Variants in CNTNAP2 observed in about 807,000 individuals in gnomAD.
The protein encoded by CNTNAP2 is contactin associated protein 2.
In CNTNAP2, 98 loss-of-function variants were observed where a neutral mutation model predicts 155.2. That is an observed-to-expected ratio of 0.63 (90% CI 0.54 to 0.75). The LOEUF is 0.75. Among genes scored for constraint, CNTNAP2 ranks in the 30% least tolerant of loss-of-function variants. CNTNAP2 has a pLI of 0.00. For synonymous variants in CNTNAP2, 651 were observed against 631.2 expected, an observed-to-expected ratio of 1.03 and a Z score of -0.47; for missense variants, 1,727 against 1,688.1, an observed-to-expected ratio of 1.02 and a Z score of -0.40.
At chr7:146,784,166 T>G (rs1802535293) in intron 2 of CNTNAP2, among the ~76,000 whole-genome samples, 1 of 152,278 alleles carries the variant, frequency 6.6e-6, no homozygotes, top group East Asian at 1.9e-4. Context: ...AGTTAATTAT[T>G]TTTAGGAAGT....
chr7:148,335,351 G>T (rs1563047990), intron 21 of CNTNAP2, among the ~76,000 whole-genome samples: 2 of 152,300 alleles, frequency 1.3e-5, no homozygotes, highest in Non-Finnish European at 2.9e-5. Flanking sequence ...GGATTGAGCA[G>T]ACTGTGATGG....
At chr7:147,534,096 G>A (rs1357706650) in intron 11 of CNTNAP2, among the ~76,000 whole-genome samples, 2 of 152,198 alleles carry the variant, frequency 1.3e-5, no homozygotes, top group Non-Finnish European at 2.9e-5. Context: ...TTGGGGCATT[G>A]TGTAAGCCAG....
chr7:148,262,898 AG>A (rs1796589461), intron 20 of CNTNAP2, among the ~76,000 whole-genome samples: 1 of 152,280 alleles, frequency 6.6e-6, no homozygotes, highest in African/African-American at 2.4e-5. Flanking sequence ...TATGTTCGGC[AG>A]GGGGACAGCA....
chr7:146,278,925 G>A (rs1486402185), intron 1 of CNTNAP2, among the ~76,000 whole-genome samples: 1 of 152,090 alleles, frequency 6.6e-6, no homozygotes, highest in Non-Finnish European at 1.5e-5. Context: ...GTCGGAGATA[G>A]GAACATTAAG....
chr7:146,476,065 G>A (rs73741709), intron 1 of CNTNAP2, among the ~76,000 whole-genome samples: 3 of 152,156 alleles, frequency 2.0e-5, no homozygotes, highest in Non-Finnish European at 2.9e-5. Context: ...AACGGAATCA[G>A]CTCTCACTGA....
intron 15 of CNTNAP2, among the ~76,000 whole-genome samples, chr7:147,989,347 T>A (rs898067956): frequency 6.6e-6 from 1 of 152,204 alleles, no homozygotes; most frequent in African/African-American, 2.4e-5. Context: ...TTAACCTCTC[T>A]GGGCTTCTAC....
At chr7:146,780,838 A>G (rs207468748) in intron 2 of CNTNAP2, among the ~76,000 whole-genome samples, 10 of 152,138 alleles carry the variant, frequency 6.6e-5, no homozygotes, top group African/African-American at 1.9e-4. Context: ...ACATGGACAC[A>G]GGGACGGGAA....
intron 12 of CNTNAP2, among the ~76,000 whole-genome samples, chr7:147,571,714 A>T (rs750824424): frequency 4.6e-5 from 7 of 152,128 alleles, no homozygotes; most frequent in Non-Finnish European, 8.8e-5. Context: ...ATTAACATTC[A>T]TAAGTTGGGC....
In CNTNAP2 at chr7:146,224,985, G is replaced by GA. The variant is rs901901702; in HGVS notation, c.97+108022dup. On this transcript the variant is annotated intron_variant, in intron 1 of 23. Coordinates refer to ENST00000361727, the MANE Select transcript of CNTNAP2 (RefSeq NM_014141.6). ...CACTCAATTACATTCTGGATGAGAAGAAAAAAAAAATCCTATTGGTGTTTT... is the reference window on the plus strand; with the variant it reads ...CACTCAATTACATTCTGGATGAGAAGAAAAAAAAAAATCCTATTGGTGTTTT... 6.0e-5 allele frequency among the ~76,000 whole-genome samples: 9 copies of GA among 149,086 alleles called. No individual in the cohort carries two copies. The South Asian group carries it at 6.3e-4, about 11-fold the overall frequency.
chr7:147,997,495 G>C (rs1350835046), intron 15 of CNTNAP2, among the ~76,000 whole-genome samples: 2 of 151,462 alleles, frequency 1.3e-5, no homozygotes, highest in Non-Finnish European at 2.9e-5. Flanking sequence ...GGCGGAGGTT[G>C]TGGTGAGCCG....
At chr7:147,248,198 T>C (rs1044834010) in intron 8 of CNTNAP2, among the ~76,000 whole-genome samples, 1 of 152,224 alleles carries the variant, frequency 6.6e-6, no homozygotes, top group African/African-American at 2.4e-5. Flanking sequence ...CTGAAACACA[T>C]TTAAAATAGT....
intron 1 of CNTNAP2, among the ~76,000 whole-genome samples, chr7:146,571,453 T>C (rs1184463900): frequency 6.6e-6 from 1 of 152,138 alleles, no homozygotes; most frequent in Non-Finnish European, 1.5e-5. Flanking sequence ...AACATTTTTG[T>C]TTTGCTTTCA....
Position 147,490,530 on chromosome 7 carries a change from T to C in CNTNAP2, c.1777+4489T>C, listed in dbSNP as rs111246510. Among the ~76,000 whole-genome samples, 832 of 152,302 alleles carry C rather than the reference T, an allele frequency of 5.5e-3. 7 individuals are homozygous for C. The highest frequency in any genetic ancestry group is 0.019 in the African/African-American group (781 of 41,572). Reference sequence around the variant, plus strand: ...AATTGATATAATTCAAAGAATAATTTTCAAAATAAATTGAATTCTATTTGC... The same window carrying C: ...AATTGATATAATTCAAAGAATAATTCTCAAAATAAATTGAATTCTATTTGC... On this transcript the variant is annotated intron_variant, in intron 11 of 23. Transcript: ENST00000361727.
At chr7:148,222,249 G>A (rs1795760013) in intron 19 of CNTNAP2, among the ~76,000 whole-genome samples, 1 of 152,224 alleles carries the variant, frequency 6.6e-6, no homozygotes, top group Admixed American at 6.5e-5. Flanking sequence ...CAGAATACGT[G>A]AAACTGGGTA....
intron 1 of CNTNAP2, among the ~76,000 whole-genome samples, chr7:146,118,798 T>G (rs1273202033): frequency 6.6e-6 from 1 of 152,166 alleles, no homozygotes; most frequent in African/African-American, 2.4e-5. Context: ...ACTTTTAAGA[T>G]GGTTAATAGT....
At chr7:146,306,113 A>G (rs1032395693) in intron 1 of CNTNAP2, among the ~76,000 whole-genome samples, 12 of 152,178 alleles carry the variant, frequency 7.9e-5, no homozygotes, top group Non-Finnish European at 8.8e-5. Flanking sequence ...AGAATACTAT[A>G]AACACCTCTA....
chr7:146,600,838 A>T (rs997949239), intron 1 of CNTNAP2, among the ~76,000 whole-genome samples: 1 of 152,160 alleles, frequency 6.6e-6, no homozygotes, highest in Non-Finnish European at 1.5e-5. Flanking sequence ...TTTATTTTAT[A>T]CTGAAATATA....
rs528146237 is a variant in CNTNAP2 at position 147,167,958 on chromosome 7, T to G, written c.1348+35449T>G. Among the ~76,000 whole-genome samples, 48 of 150,434 alleles carry G rather than the reference T, an allele frequency of 3.2e-4. 1 individual carries two copies. The highest frequency in any genetic ancestry group is 1.2e-3 in the African/African-American group (48 of 41,138). On this transcript the variant is annotated intron_variant, in intron 8 of 23. Coordinates refer to ENST00000361727, the MANE Select transcript of CNTNAP2 (RefSeq NM_014141.6). Reference sequence around the variant, plus strand: ...TTTAAAAATATATTTACATTATATGTGTATATATACATATATGTATATAGT... The same window carrying G: ...TTTAAAAATATATTTACATTATATGGGTATATATACATATATGTATATAGT...
At chr7:148,143,905 G>A (rs572679320) in intron 16 of CNTNAP2, among the ~76,000 whole-genome samples, 24 of 152,270 alleles carry the variant, frequency 1.6e-4, no homozygotes, top group African/African-American at 5.5e-4. Flanking sequence ...AGGGAATTAT[G>A]TGTCTCATCC....
Sources: allele counts gnomAD v4.1 joint callset (sites outside exome capture counted in the v4.1 genomes callset), GRCh38; gene constraint gnomAD v4.1.1; transcripts MANE v1.5; gene names NCBI Gene and HGNC (gene_info 2026-07-23, HGNC 2026-07-21).